Variants in LPP observed in about 807,000 individuals in gnomAD.
LPP encodes the protein LIM domain containing preferred translocation partner in lipoma.
Under a neutral mutation model 60.4 loss-of-function variants are expected in LPP, and 38 were observed. That is an observed-to-expected ratio of 0.63 (90% CI 0.49 to 0.83). LPP has a LOEUF of 0.83. Ranked by LOEUF, LPP falls within the 40% of genes least tolerant of loss-of-function variation. The probability of loss-of-function intolerance (pLI) is 0.00; values close to 1 mark genes in which losing one functional copy is unlikely to be tolerated. For synonymous variants in LPP, 328 were observed against 290.8 expected (o/e 1.13, Z -1.30); for missense variants, 902 against 783.6 (o/e 1.15, Z -1.80).
intron 3 of LPP, among the ~76,000 whole-genome samples, chr3:188,379,171 T>A (rs1776175813): frequency 6.6e-6 from 1 of 152,096 alleles, no homozygotes; most frequent in African/African-American, 2.4e-5. Flanking sequence ...GACACAAGTT[T>A]GGTTTTGTCT....
intron 3 of LPP, among the ~76,000 whole-genome samples, chr3:188,383,429 C>T (rs1044346984): frequency 6.6e-6 from 1 of 152,174 alleles, no homozygotes; most frequent in East Asian, 1.9e-4. Context: ...TCAATTTCCT[C>T]TGCTTTCTTC....
At chr3:188,669,899 T>C (rs1013840086) in intron 7 of LPP, among the ~76,000 whole-genome samples, 3 of 152,198 alleles carry the variant, frequency 2.0e-5, no homozygotes, top group Non-Finnish European at 4.4e-5. Context: ...GTGGCAAATA[T>C]ACACCGTGGA....
At chr3:188,377,168 C>G (rs1775379291) in intron 3 of LPP, among the ~76,000 whole-genome samples, 1 of 152,208 alleles carries the variant, frequency 6.6e-6, no homozygotes, top group Non-Finnish European at 1.5e-5. Context: ...TTTGGTGAAT[C>G]TGACAAATAT....
rs576748104 is a variant in LPP at position 188,301,012 on chromosome 3, G to A, written c.-66-40651G>A. On this transcript the variant is annotated intron_variant, in intron 2 of 11. Transcript: ENST00000617246. The stretch of plus-strand genomic sequence containing the variant: ...TGTCTCTATGCATTTCTATGTGTCT[G>A]CTCAGCATCTTATCTTCTACATTTG... Among the ~76,000 whole-genome samples the A allele has an allele frequency of 2.6e-5, 4 of 152,170 alleles. No individual in the cohort carries two copies. In the East Asian group the frequency reaches 5.8e-4, roughly 22 times the overall value.
chr3:188,740,200 G>C (rs1222708729), intron 8 of LPP, among the ~76,000 whole-genome samples: 1 of 152,014 alleles, frequency 6.6e-6, no homozygotes, highest in Non-Finnish European at 1.5e-5. Flanking sequence ...TGTTTCCCTA[G>C]TTTACTAAAT....
At chr3:188,214,682 A>T (rs1712787458) in intron 1 of LPP, among the ~76,000 whole-genome samples, 1 of 152,148 alleles carries the variant, frequency 6.6e-6, no homozygotes, top group South Asian at 2.1e-4. Flanking sequence ...TCCTTCTGTG[A>T]CCAGCTGAGG....
chr3:188,179,581 C>T (rs1188523895), intron 1 of LPP: 8 of 430,078 alleles, frequency 1.9e-5, no homozygotes, highest in Admixed American at 1.0e-4. Context: ...AGGTCTGTCT[C>T]CTGCCAGCAG....
intron 9 of LPP, among the ~76,000 whole-genome samples, chr3:188,798,636 T>G (rs1746089052): frequency 6.6e-6 from 1 of 152,184 alleles, no homozygotes; most frequent in African/African-American, 2.4e-5. Flanking sequence ...TACAATGGCT[T>G]TCGGTACTGC....
At chr3:188,231,298 C>G (rs939465704) in intron 2 of LPP, among the ~76,000 whole-genome samples, 1 of 152,172 alleles carries the variant, frequency 6.6e-6, no homozygotes, top group African/African-American at 2.4e-5. Context: ...CCCAGGTTTA[C>G]ATGGATGTGC....
chr3:188,786,693 C>T (rs1742042384), intron 9 of LPP, among the ~76,000 whole-genome samples: 1 of 152,096 alleles, frequency 6.6e-6, no homozygotes, highest in South Asian at 2.1e-4. Flanking sequence ...AGATGTCTTT[C>T]AACAGGTGAA....
chr3:188,673,346 A>G (rs781269150), intron 7 of LPP, among the ~76,000 whole-genome samples: 18 of 152,166 alleles, frequency 1.2e-4, no homozygotes, highest in Non-Finnish European at 2.1e-4. Flanking sequence ...ACAACAAACC[A>G]CTGTAGAGTC....
intron 4 of LPP, among the ~76,000 whole-genome samples, chr3:188,419,955 A>G (rs142427167): frequency 0.037 from 5,633 of 152,224 alleles, 147 homozygotes; most frequent in Non-Finnish European, 0.061. Flanking sequence ...TATCTTAAAG[A>G]GTTGTTTTCA....
At chr3:188,242,562 G>A (rs1725359291) in intron 2 of LPP, among the ~76,000 whole-genome samples, 1 of 152,090 alleles carries the variant, frequency 6.6e-6, no homozygotes, top group African/African-American at 2.4e-5. Flanking sequence ...AACTGTGAAA[G>A]ACACGGTTCT....
intron 2 of LPP, among the ~76,000 whole-genome samples, chr3:188,338,115 A>G (rs1390069286): frequency 6.6e-6 from 1 of 152,258 alleles, no homozygotes; most frequent in Non-Finnish European, 1.5e-5. Flanking sequence ...AATCAACCAG[A>G]TGTCAGAAGA....
intron 3 of LPP, among the ~76,000 whole-genome samples, chr3:188,391,701 T>A (rs1779731423): frequency 6.6e-6 from 1 of 151,850 alleles, no homozygotes; most frequent in Non-Finnish European, 1.5e-5. Flanking sequence ...AATTACTGAG[T>A]TCAGTGATAC....
intron 4 of LPP, among the ~76,000 whole-genome samples, chr3:188,441,146 A>G (rs902948892): frequency 1.3e-5 from 2 of 152,158 alleles, no homozygotes; most frequent in Non-Finnish European, 2.9e-5. Context: ...TTGAATTCTT[A>G]CATATCAACC....
At chr3:188,541,498 A>G (rs1410716840) in intron 6 of LPP, among the ~76,000 whole-genome samples, 2 of 152,094 alleles carry the variant, frequency 1.3e-5, no homozygotes, top group Non-Finnish European at 2.9e-5. Flanking sequence ...ACCATAACCT[A>G]GAGAAGTATC....
chr3:188,223,040 C>A (rs1716387620), intron 1 of LPP, among the ~76,000 whole-genome samples: 2 of 152,202 alleles, frequency 1.3e-5, no homozygotes, highest in Non-Finnish European at 2.9e-5. Flanking sequence ...TGTGTCTCAT[C>A]TTGAATTTGT....
At position 188,468,630 on chromosome 3, in the gene LPP, T is replaced by C. The variant is rs1560444014; in HGVS notation, c.194-15962T>C. On this transcript the variant is annotated intron_variant, in intron 4 of 11. Transcript: ENST00000617246. ...TCAAGTGATTGGATGGGTCTGTTTA[T>C]AAGAAGAAGCATAATATTGGAGACT... 2.0e-5 allele frequency among the ~76,000 whole-genome samples: 3 copies of C among 152,128 alleles called. No homozygotes were observed. In the East Asian group the frequency reaches 5.8e-4, roughly 29 times the overall value.
Sources: allele counts gnomAD v4.1 joint callset (sites outside exome capture counted in the v4.1 genomes callset), GRCh38; gene constraint gnomAD v4.1.1; transcripts MANE v1.5; gene names NCBI Gene and HGNC (gene_info 2026-07-23, HGNC 2026-07-21).